OC90: variants seen among roughly 807,000 people sequenced by gnomAD.
OC90 encodes the protein otoconin-90.
Under a neutral mutation model 47.3 loss-of-function variants are expected in OC90, and 46 were observed. The observed-to-expected ratio is 0.97, with a 90% CI of 0.77 to 1.24. The LOEUF (loss-of-function observed/expected upper bound fraction) is 1.24, where lower values mean the gene tolerates loss of function less well. Ranked by LOEUF, OC90 falls within the 50% of genes most tolerant of loss-of-function variation. OC90 has a pLI of 0.00. For synonymous variants in OC90, 271 were observed against 219.5 expected (o/e 1.23, Z -2.07); for missense variants, 688 against 583.9 (o/e 1.18, Z -1.84).
intron 9 of OC90, among the ~76,000 whole-genome samples, chr8:132,035,222 C>G (rs1377527654): frequency 1.3e-5 from 2 of 152,174 alleles, no homozygotes; most frequent in Non-Finnish European, 2.9e-5. Flanking sequence ...CTATGTGACT[C>G]CAGGAAAACC....
intron 2 of OC90, among the ~76,000 whole-genome samples, chr8:132,047,417 C>T (rs1401753958): frequency 6.6e-6 from 1 of 152,074 alleles, no homozygotes; most frequent in Non-Finnish European, 1.5e-5. Context: ...TTTGTATGCA[C>T]ATAATAACAT....
intron 3 of OC90, among the ~76,000 whole-genome samples, chr8:132,045,166 A>G (rs1823114542): frequency 6.6e-6 from 1 of 152,232 alleles, no homozygotes; most frequent in Non-Finnish European, 1.5e-5. Flanking sequence ...AAGTTATGCC[A>G]TTTGGAGGGA....
rs150308788 is a variant in OC90 at position 132,050,729 on chromosome 8, C to T, written c.46+4252G>A. ...ACAATATAACTGCATAGGCCGGGCG[C>T]GGTGCCCACAACTGTAATCCCAGCA... On this transcript the variant is annotated intron_variant, in intron 2 of 13. Transcript: ENST00000254627. 4.6e-4 allele frequency among the ~76,000 whole-genome samples: 70 copies of T among 152,232 alleles called. 1 individual carries two copies. The South Asian group carries it at 0.011, about 24-fold the overall frequency.
At chr8:132,051,817 G>T (rs992627522) in intron 2 of OC90, among the ~76,000 whole-genome samples, 1 of 152,162 alleles carries the variant, frequency 6.6e-6, no homozygotes, top group Non-Finnish European at 1.5e-5. Flanking sequence ...GAACCAGAGA[G>T]ACCCAAGTTA....
intron 10 of OC90, among the ~76,000 whole-genome samples, chr8:132,034,099 T>C (rs990829550): frequency 6.6e-6 from 1 of 152,244 alleles, no homozygotes. Context: ...AAGCAAGTTA[T>C]CTAATTTCTT....
chr8:132,039,206 TCA>T, intron 6 of OC90, 83 bp from the exon 7 acceptor site: 1 of 1,441,474 alleles, frequency 6.9e-7, no homozygotes, highest in Admixed American at 2.0e-5. Context: ...ACTGAGTTCC[TCA>T]TCTCCCCTGC....
intron 12 of OC90, among the ~76,000 whole-genome samples, chr8:132,029,686 A>G (rs917462884): frequency 6.6e-6 from 1 of 152,186 alleles, no homozygotes; most frequent in Non-Finnish European, 1.5e-5. Context: ...GAGCATAAAT[A>G]AAGAACTGCA....
At chr8:132,037,588 G>A (rs1016152942) in intron 8 of OC90, 100 bp from the exon 9 acceptor site, 4 of 1,002,888 alleles carry the variant, frequency 4.0e-6, no homozygotes, top group African/African-American at 1.6e-5. Flanking sequence ...TGGCCCAAGG[G>A]AGGAAAGGGG....
At position 132,031,972 on chromosome 8, in the gene OC90, A is replaced by C. The variant is rs1822883618; in HGVS notation, c.940T>G (p.Cys314Gly). 2 of 1,613,928 alleles carry C rather than the reference A, an allele frequency of 1.2e-6. No homozygotes were observed. Among genetic ancestry groups the C allele is most frequent in the Admixed American group, 1.7e-5 (1 of 60,016 alleles). The change falls in exon 12 of 14, where the codon TGT (cysteine) becomes GGT (glycine). Residue 314 changes from cysteine (C) to glycine (G), a missense_variant. By Grantham distance (159) the Cys-to-Gly change is radical. Transcript: ENST00000254627. ...TCCTCCGGGCACCGGGATGTCAGAC[A>C]AAAGAGCATCTCTCCAAGCTGTGGC... ...VMPQLGEMLF[C>G]LTSRCPEEFE...
At chr8:132,053,744 C>G (rs1823246898) in intron 2 of OC90, among the ~76,000 whole-genome samples, 1 of 152,138 alleles carries the variant, frequency 6.6e-6, no homozygotes, top group African/African-American at 2.4e-5. Flanking sequence ...GTGCAGAGCT[C>G]CCAGACAAAG....
Position 132,057,961 on chromosome 8 carries a change from G to T in OC90, c.-48+1380C>A, listed in dbSNP as rs187296012. On this transcript the variant is annotated intron_variant, in intron 1 of 13. Coordinates refer to ENST00000254627, the MANE Select transcript of OC90 (RefSeq NM_001080399.3). ...TGGCTCCAATACCCTAAACTGCTAG[G>T]CCGGTCCTTTGAGACAAACTAAGCA... is the stretch of plus-strand genomic sequence containing the variant. Among the ~76,000 whole-genome samples, 7 of 152,354 alleles carry T rather than the reference G, an allele frequency of 4.6e-5. No homozygotes were observed. The East Asian group carries it at 1.4e-3, about 29-fold the overall frequency.
At position 132,024,398 on chromosome 8, in the gene OC90, G is replaced by A; in HGVS notation, c.*83C>T. On this transcript the variant is annotated 3_prime_UTR_variant, in exon 14 of 14. Coordinates refer to ENST00000254627, the MANE Select transcript of OC90 (RefSeq NM_001080399.3). ...TAAAGGAAGGGAAGAAGGCTCCAAG[G>A]GACAGAGGAGGCTGAGAGATAAAGA... is the stretch of plus-strand genomic sequence containing the variant. 3 of 1,143,898 alleles carry A rather than the reference G, an allele frequency of 2.6e-6. No homozygotes were observed. Among genetic ancestry groups the A allele is most frequent in the Non-Finnish European group, 3.7e-6 (3 of 815,260 alleles). The allele number at this position is 1,143,898 out of a possible 1,614,324, so 70.9% of individuals were successfully genotyped here. A position where few individuals can be genotyped will look rare whatever the true frequency, so the allele number is the denominator to read the frequency against.
At chr8:132,042,524 C>A (rs1823069292) in intron 4 of OC90, among the ~76,000 whole-genome samples, 1 of 152,114 alleles carries the variant, frequency 6.6e-6, no homozygotes, top group East Asian at 1.9e-4. Context: ...CAGCCTATGA[C>A]CGCCTCCCTC....
chr8:132,045,264 C>T (rs1189088367), intron 3 of OC90, among the ~76,000 whole-genome samples: 2 of 152,186 alleles, frequency 1.3e-5, no homozygotes, highest in African/African-American at 4.8e-5. Flanking sequence ...CAACTCACTC[C>T]TCTGAAAGGT....
intron 2 of OC90, among the ~76,000 whole-genome samples, chr8:132,047,524 G>A (rs917315445): frequency 6.6e-6 from 1 of 151,954 alleles, no homozygotes; most frequent in African/African-American, 2.4e-5. Context: ...GTTTCATCTG[G>A]GAGTTCCAGC....
intron 4 of OC90, among the ~76,000 whole-genome samples, chr8:132,043,505 C>A (rs915645195): frequency 5.3e-5 from 8 of 152,232 alleles, no homozygotes; most frequent in African/African-American, 1.9e-4. Context: ...TTCTCCTCCC[C>A]ATTCTCTACC....
At chr8:132,031,585 C>G (rs1586707045) in intron 12 of OC90, among the ~76,000 whole-genome samples, 1 of 152,134 alleles carries the variant, frequency 6.6e-6, no homozygotes, top group Non-Finnish European at 1.5e-5. Context: ...GGTAGCTGGG[C>G]AGTATTTGTC....
chr8:132,043,497 C>G (rs942557481), intron 4 of OC90, among the ~76,000 whole-genome samples: 1 of 152,258 alleles, frequency 6.6e-6, no homozygotes. Flanking sequence ...ATCTCGCATT[C>G]TCCTCCCCAT....
chr8:132,058,788 G>A (rs59378280), intron 1 of OC90, among the ~76,000 whole-genome samples: 13,324 of 152,146 alleles, frequency 0.088, 1,725 homozygotes, highest in African/African-American at 0.29. Context: ...TGCCGTGGGC[G>A]GGGTCATTGC....
Sources: gnomAD v4.1 joint callset for allele counts (sites outside exome capture counted in the v4.1 genomes callset) on GRCh38, gnomAD v4.1.1 for gene constraint, MANE v1.5 for transcripts, NCBI Gene and HGNC (gene_info 2026-07-23, HGNC 2026-07-21) for gene names.